The following IL26 variants were observed in gnomAD, a reference collection of about 807,000 sequenced individuals.
The protein encoded by IL26 is interleukin-26.
A neutral mutation model predicts 21.7 loss-of-function variants in IL26; 23 were observed. The ratio of observed to expected loss-of-function variants is 1.06; its 90% CI spans 0.76 to 1.50. The LOEUF is 1.50. IL26 is among the 40% of genes most tolerant of loss of function. IL26 has a pLI of 0.00. For synonymous variants in IL26, 63 were observed against 67.8 expected, an observed-to-expected ratio of 0.93 and a Z score of 0.34; for missense variants, 204 against 196.0, an observed-to-expected ratio of 1.04 and a Z score of -0.24.
At chr12:68,210,484 G>A (rs934787355) in intron 3 of IL26, among the ~76,000 whole-genome samples, 2 of 150,816 alleles carry the variant, frequency 1.3e-5, no homozygotes, top group African/African-American at 2.4e-5. Context: ...TTTGAAGAAA[G>A]CATGATTAGA....
At chr12:68,208,467 G>A (rs1868606424) in intron 3 of IL26, among the ~76,000 whole-genome samples, 1 of 147,606 alleles carries the variant, frequency 6.8e-6, no homozygotes, top group African/African-American at 2.6e-5. Flanking sequence ...AGCCAAGATG[G>A]GAAGAAAGCA....
chr12:68,204,456 T>A (rs1868478179), intron 3 of IL26, among the ~76,000 whole-genome samples: 1 of 152,088 alleles, frequency 6.6e-6, no homozygotes, highest in African/African-American at 2.4e-5. Flanking sequence ...ATTTAAAGAT[T>A]TAACACTGAA....
chr12:68,221,588 T>TATGA (rs757127305), intron 3 of IL26, among the ~76,000 whole-genome samples: 6 of 152,252 alleles, frequency 3.9e-5, no homozygotes, highest in Non-Finnish European at 8.8e-5. Context: ...GGGCTGGTGA[T>TATGA]ATGAATGTCA....
At chr12:68,204,702 G>A (rs11177102) in intron 3 of IL26, among the ~76,000 whole-genome samples, 11,413 of 151,944 alleles carry the variant, frequency 0.075, 685 homozygotes, top group East Asian at 0.32. Flanking sequence ...AAAAAAACTA[G>A]CAGTGCCAGT....
intron 3 of IL26, among the ~76,000 whole-genome samples, chr12:68,206,443 C>CA (rs916506789): frequency 2.0e-4 from 30 of 151,978 alleles, no homozygotes; most frequent in African/African-American, 5.1e-4. Flanking sequence ...TGCCCAATAT[C>CA]AAAAAAACGT....
At chr12:68,220,808 T>A (rs879688972) in intron 3 of IL26, among the ~76,000 whole-genome samples, 3 of 152,210 alleles carry the variant, frequency 2.0e-5, no homozygotes, top group Non-Finnish European at 4.4e-5. Context: ...GGCTAATTTT[T>A]GTATTTTTTC....
chr12:68,225,626 G>A lies in IL26; in HGVS notation c.131C>T (p.Ala44Val), dbSNP rs202003333. The change falls in exon 1 of 5, where the codon GCT becomes GTT. Residue 44 changes from alanine to valine, a missense_variant. Physicochemically the swap from Ala to Val is moderately conservative, Grantham distance 64. Coordinates refer to ENST00000229134, the MANE Select transcript of IL26 (RefSeq NM_018402.2). ...PRGTLSQAVDALYIKAAWLKA... is the reference protein window; with the variant it reads ...PRGTLSQAVDVLYIKAAWLKA... ...GAGCCATGCTGCTTTGATATAGAGA[G>A]CGTCAACAGCTTGGGACAATGTTCC... 2 of 1,613,930 alleles carry A rather than the reference G, an allele frequency of 1.2e-6. No individual in the cohort carries two copies. The highest frequency in any genetic ancestry group is 1.3e-5 in the African/African-American group (1 of 74,898).
At position 68,202,020 on chromosome 12, in the gene IL26, T is replaced by G; in HGVS notation, c.427A>C (p.Arg143=). 6.4e-7 allele frequency: 1 copy of G among 1,571,654 alleles called. No individual in the cohort carries two copies. Among genetic ancestry groups the G allele is most frequent in the Non-Finnish European group, 8.7e-7 (1 of 1,153,578 alleles). The part of the protein sequence containing the change: ...SITRMKRIFY[R]IGNKGIYKAI... ...ATATAAGGATTTAGAATTCTTACCC[T>G]ATAAAATATTCTTTTCATCCTGGTA... The change falls in exon 4 of 5, where the codon AGG becomes CGG. Residue 143 remains arginine, a splice_region_variant and synonymous_variant. Transcript: ENST00000229134.
Position 68,201,793 on chromosome 12 carries a change from A to C in IL26, c.*52T>G. 2 of 1,213,764 alleles carry C rather than the reference A, an allele frequency of 1.6e-6. No homozygotes were observed. The highest frequency in any genetic ancestry group is 2.8e-5 in the South Asian group (2 of 71,054). The allele number at this position is 1,213,764 out of a possible 1,614,324, so 75.2% of individuals were successfully genotyped here. ...AGACTGTTATAAACATATTTCTAGCAGTTCTTATTGTATTTCAAAATAACT... is the reference window on the plus strand; with the variant it reads ...AGACTGTTATAAACATATTTCTAGCCGTTCTTATTGTATTTCAAAATAACT... On this transcript the variant is annotated 3_prime_UTR_variant, in exon 5 of 5. Transcript: ENST00000229134.
At chr12:68,222,406 C>T (rs1362948452) in intron 3 of IL26, among the ~76,000 whole-genome samples, 5 of 152,234 alleles carry the variant, frequency 3.3e-5, no homozygotes. Context: ...AGGCTGTGTG[C>T]CAAAATTCTG....
chr12:68,211,220 G>C (rs771104754), intron 3 of IL26, among the ~76,000 whole-genome samples: 2 of 152,084 alleles, frequency 1.3e-5, no homozygotes. Context: ...TTCACTTAAC[G>C]TAAAAACCTC....
chr12:68,201,521 C>T lies in IL26; in HGVS notation c.*324G>A, dbSNP rs1868389944. On this transcript the variant is annotated 3_prime_UTR_variant, in exon 5 of 5. Transcript: ENST00000229134. ...AGAAATCTGTCATTCCCCCTCCACC[C>T]CCCACATCCCACTCCACACACAAAT... The T allele has an allele frequency of 4.7e-6, 1 of 213,964 alleles. No individual in the cohort carries two copies. The highest frequency in any genetic ancestry group is 5.4e-5 in the Admixed American group (1 of 18,516). The allele number at this position is 213,964 out of a possible 1,614,324, so 13.3% of individuals were successfully genotyped here.
chr12:68,220,785 C>G (rs1220830750), intron 3 of IL26, among the ~76,000 whole-genome samples: 1 of 152,156 alleles, frequency 6.6e-6, no homozygotes, highest in Non-Finnish European at 1.5e-5. Flanking sequence ...TACAGGCATG[C>G]GCCACCGCGC....
chr12:68,224,039 A>G (rs1251917454), intron 3 of IL26, among the ~76,000 whole-genome samples: 2 of 147,208 alleles, frequency 1.4e-5, no homozygotes, highest in East Asian at 3.9e-4. Flanking sequence ...AAAAATAAAC[A>G]CCCCCCCCCT....
chr12:68,225,376 T>C (rs1805842171), intron 2 of IL26, 68 bp downstream of exon 2: 2 of 1,523,616 alleles, frequency 1.3e-6, no homozygotes, highest in Non-Finnish European at 1.8e-6. Flanking sequence ...TGAAAAAAAT[T>C]TAAATGCAGG....
At chr12:68,224,125 G>C (rs1476058367) in intron 3 of IL26, among the ~76,000 whole-genome samples, 1 of 151,528 alleles carries the variant, frequency 6.6e-6, no homozygotes, top group Admixed American at 6.6e-5. Context: ...GCTTCCCAAG[G>C]ATTGCAATAA....
intron 3 of IL26, among the ~76,000 whole-genome samples, chr12:68,212,481 G>A (rs1330094968): frequency 1.3e-5 from 2 of 152,082 alleles, no homozygotes; most frequent in Non-Finnish European, 2.9e-5. Flanking sequence ...GCTTTGGGTA[G>A]TATTGATATT....
At chr12:68,215,701 T>G (rs911805393) in intron 3 of IL26, among the ~76,000 whole-genome samples, 2 of 152,112 alleles carry the variant, frequency 1.3e-5, no homozygotes, top group Non-Finnish European at 2.9e-5. Context: ...AGAATCTCCC[T>G]CTGTTGCTGA....
At chr12:68,218,063 T>C (rs1464211212) in intron 3 of IL26, among the ~76,000 whole-genome samples, 1 of 152,050 alleles carries the variant, frequency 6.6e-6, no homozygotes, top group African/African-American at 2.4e-5. Flanking sequence ...CAACAAGATC[T>C]GAAAAGATCA....
Sources: allele counts gnomAD v4.1 joint callset (sites outside exome capture counted in the v4.1 genomes callset), GRCh38; gene constraint gnomAD v4.1.1; transcripts MANE v1.5; gene names NCBI Gene and HGNC (gene_info 2026-07-23, HGNC 2026-07-21).